PDE4C: variants seen among roughly 807,000 people sequenced by gnomAD.
PDE4C encodes the protein phosphodiesterase 4C.
PDE4C carries 50 observed loss-of-function variants against 63.9 expected under a neutral mutation model. The observed-to-expected ratio is 0.78, with a 90% CI of 0.62 to 0.99. The LOEUF (loss-of-function observed/expected upper bound fraction) is 0.99. Ranked by LOEUF, PDE4C falls within the 50% of genes least tolerant of loss-of-function variation. The pLI, the probability that PDE4C is intolerant of heterozygous loss-of-function variation, is 0.00. For missense variants in PDE4C, 777 were observed against 899.1 expected, an observed-to-expected ratio of 0.86 and a Z score of 1.74; for synonymous variants, 377 against 385.1, an observed-to-expected ratio of 0.98 and a Z score of 0.25.
At chr19:18,226,632 A>G (rs1600091727), upstream of PDE4C, among the ~76,000 whole-genome samples, 1 of 126,530 alleles carries the variant, frequency 7.9e-6, no homozygotes, top group African/African-American at 3.0e-5. Context: ...TTTTGAGACG[A>G]TCTCGCTGTG....
intron 11 of PDE4C, among the ~76,000 whole-genome samples, chr19:18,217,840 T>G (rs1194591368): frequency 1.2e-4 from 19 of 152,096 alleles, no homozygotes; most frequent in African/African-American, 4.6e-4. Flanking sequence ...GAGGTTGCAG[T>G]GAGCCGAAAT....
At chr19:18,233,909 C>T (rs557310580), upstream of PDE4C, among the ~76,000 whole-genome samples, 7 of 152,292 alleles carry the variant, frequency 4.6e-5, no homozygotes, top group East Asian at 1.3e-3. Flanking sequence ...GTCTTTCTGC[C>T]AAGCCCAGGA....
Position 18,216,327 on chromosome 19 carries a change from CAGCTCACT to C in PDE4C, c.1389+406_1389+413del, listed in dbSNP as rs971864489. ...AGACTGGAGTGCAGTGGTGCGATCT[CAGCTCACT>C]AGCTCACTAGCTCACTACAGCCTCC... is the stretch of plus-strand genomic sequence containing the variant. On this transcript the variant is annotated intron_variant, in intron 12 of 14. Transcript: ENST00000262805. Among the ~76,000 whole-genome samples, 11 of 150,706 alleles carry C rather than the reference CAGCTCACT, an allele frequency of 7.3e-5. No individual in the cohort carries two copies. The East Asian group carries it at 9.9e-4, about 14-fold the overall frequency.
At chr19:18,250,574 A>T (rs554768509), upstream of PDE4C, 69 of 397,364 alleles carry the variant, frequency 1.7e-4, no homozygotes, top group East Asian at 2.4e-3. Context: ...CAGGAAGCTG[A>T]CCTCTCTTCC....
intron 1 of PDE4C, among the ~76,000 whole-genome samples, chr19:18,245,874 C>T (rs921760665): frequency 6.6e-6 from 1 of 152,102 alleles, no homozygotes; most frequent in African/African-American, 2.4e-5. Flanking sequence ...GACGGAGTCT[C>T]GCTCTGTTGT....
At chr19:18,216,863 A>G (rs2148014652) in exon 12 of PDE4C, 1 of 1,614,068 alleles carries the variant, frequency 6.2e-7, no homozygotes, top group Non-Finnish European at 8.5e-7. Flanking sequence ...TCCAGCACCG[A>G]GGCGTCGTTG....
chr19:18,223,038 G>T (rs1429776640), intron 1 of PDE4C, among the ~76,000 whole-genome samples: 2 of 150,600 alleles, frequency 1.3e-5, no homozygotes, highest in African/African-American at 4.9e-5. Context: ...GGGTTTTTTT[G>T]AGACGAAATA....
chr19:18,213,409 G>A (rs751406908), exon 13 of PDE4C: 3 of 1,613,964 alleles, frequency 1.9e-6, no homozygotes, highest in Non-Finnish European at 2.5e-6. Flanking sequence ...AGGACACCGA[G>A]GCTTGTCACC....
rs143995663 is a variant in PDE4C at position 18,223,042 on chromosome 19, C to T, written c.147-719G>A. On this transcript the variant is annotated intron_variant, in intron 1 of 14. Coordinates refer to ENST00000262805, the Ensembl canonical transcript of PDE4C. ...TCTGTTTTTTGGGGTTTTTTTGAGACGAAATATTGCTCTGTTGCCTGCACT... is the reference window on the plus strand; with the variant it reads ...TCTGTTTTTTGGGGTTTTTTTGAGATGAAATATTGCTCTGTTGCCTGCACT... Among the ~76,000 whole-genome samples the T allele has an allele frequency of 3.0e-3, 447 of 150,822 alleles. 2 individuals are homozygous for T. The highest frequency in any genetic ancestry group is 0.01 in the African/African-American group (420 of 40,956).
Position 18,221,241 on chromosome 19 carries a change from G to GGAGGGCGGGGGACACCCACCTGGGCA in PDE4C, c.369_375+19dup. ...CCGGATCCGGAGGGGGTCAGGGCAG[G>GGAGGGCGGGGGACACCCACCTGGGCA]GAGGGCGGGGGACACCCACCTGGGC... On this transcript the variant is annotated intron_variant, in intron 3 of 14. Transcript: ENST00000262805. 6.5e-7 allele frequency: 1 copy of GGAGGGCGGGGGACACCCACCTGGGCA among 1,550,030 alleles called. No individual in the cohort carries two copies. Among genetic ancestry groups the GGAGGGCGGGGGACACCCACCTGGGCA allele is most frequent in the Non-Finnish European group, 8.7e-7 (1 of 1,154,754 alleles).
chr19:18,218,899 C>T, intron 9 of PDE4C, 41 bp downstream of exon 9: 2 of 1,407,168 alleles, frequency 1.4e-6, no homozygotes, highest in South Asian at 2.3e-5. Flanking sequence ...TGAGGGAAAC[C>T]CCAGGAGTTT....
rs1388476832 is a variant in PDE4C, at chr19:18,220,202, A to T, written c.706+24T>A. ...TCTTAGTACTCCTAAAATGTCGTCC[A>T]GGCAGTGACTCAACAAAGCTCACCC... On this transcript the variant is annotated intron_variant, in intron 7 of 14. Transcript: ENST00000262805. The surrounding 1 kb of genome is among the most constrained non-coding windows in gnomAD (Gnocchi z 5.1). 1 of 1,571,662 alleles carries T rather than the reference A, an allele frequency of 6.4e-7. No individual in the cohort carries two copies. The highest frequency in any genetic ancestry group is 8.8e-7 in the Non-Finnish European group (1 of 1,141,816).
chr19:18,231,930 G>A (rs1192573039), intron 1 of PDE4C, among the ~76,000 whole-genome samples: 1 of 151,906 alleles, frequency 6.6e-6, no homozygotes, highest in African/African-American at 2.4e-5. Flanking sequence ...GAAACTTCCT[G>A]TGCACGAGCT....
chr19:18,214,245 C>T (rs1968093688), intron 12 of PDE4C, among the ~76,000 whole-genome samples: 2 of 148,228 alleles, frequency 1.3e-5, no homozygotes, highest in Non-Finnish European at 1.5e-5. Flanking sequence ...AGCAAGACTC[C>T]GTCTCAAAAA....
upstream of PDE4C, among the ~76,000 whole-genome samples, chr19:18,230,497 T>G (rs1319420506): frequency 3.3e-5 from 5 of 151,948 alleles, no homozygotes; most frequent in African/African-American, 1.2e-4. Context: ...AGTGAGAGAC[T>G]CCATCTAAAA....
chr19:18,246,959 G>C (rs1416670635), intron 1 of PDE4C, among the ~76,000 whole-genome samples: 1 of 152,110 alleles, frequency 6.6e-6, no homozygotes, highest in Non-Finnish European at 1.5e-5. Flanking sequence ...AGAAACCACT[G>C]AGTCCTAGAG....
upstream of PDE4C, among the ~76,000 whole-genome samples, chr19:18,235,693 G>A (rs530401477): frequency 3.3e-5 from 5 of 152,014 alleles, no homozygotes; most frequent in Admixed American, 6.6e-5. Flanking sequence ...CTCTCTCTCC[G>A]GAAGACACAC....
chr19:18,251,703 T>TCCCCGCCCCCGCCCCCGCCCCCGCCCC (rs1969232232), upstream of PDE4C, among the ~76,000 whole-genome samples: 2 of 68,804 alleles, frequency 2.9e-5, no homozygotes, highest in Non-Finnish European at 2.6e-5. Context: ...GCCCCCGCCC[T>TCCCCGCCCCCGCCCCCGCCCCCGCCCC]CGGCCTCCCA....
chr19:18,226,475 C>G, exon 1 of PDE4C: 1 of 1,310,622 alleles, frequency 7.6e-7, no homozygotes, highest in East Asian at 3.2e-5. Context: ...TTCTGGACAG[C>G]TGCGGGGGCG....
Sources: allele counts gnomAD v4.1 joint callset (sites outside exome capture counted in the v4.1 genomes callset), GRCh38; gene constraint gnomAD v4.1.1; non-coding constraint Gnocchi (gnomAD v3.1); transcripts MANE v1.5; gene names NCBI Gene and HGNC (gene_info 2026-07-23, HGNC 2026-07-21).